NACC1: variants seen among roughly 807,000 people sequenced by gnomAD.
NACC1 encodes nucleus accumbens-associated protein 1.
In NACC1, 6 loss-of-function variants were observed where a neutral mutation model predicts 41.7. The ratio of observed to expected loss-of-function variants is 0.14; its 90% CI spans 0.08 to 0.28. The LOEUF is 0.28. Among genes scored for constraint, NACC1 ranks in the 10% least tolerant of loss-of-function variants. The pLI is 1.00. For synonymous variants in NACC1, 338 were observed against 330.6 expected (o/e 1.02, Z -0.24); for missense variants, 434 against 763.7 (o/e 0.57, Z 5.09).
At chr19:13,124,800 G>A (rs1288077026) in intron 1 of NACC1, among the ~76,000 whole-genome samples, 3 of 152,114 alleles carry the variant, frequency 2.0e-5, no homozygotes, top group African/African-American at 4.8e-5. Flanking sequence ...TAGACTGGAA[G>A]CCAGGCACAT....
chr19:13,130,489 A>G (rs574889504), intron 1 of NACC1, among the ~76,000 whole-genome samples: 5 of 151,580 alleles, frequency 3.3e-5, no homozygotes, highest in African/African-American at 9.7e-5. Flanking sequence ...TTGAGCTGAC[A>G]GTGCCCTTGG....
chr19:13,123,137 G>A (rs1026453831), intron 1 of NACC1, among the ~76,000 whole-genome samples: 2 of 152,152 alleles, frequency 1.3e-5, no homozygotes, highest in Non-Finnish European at 2.9e-5. Flanking sequence ...CTCCCAGGAT[G>A]ATCCCCATCC....
At chr19:13,126,256 G>T (rs8107842) in intron 1 of NACC1, among the ~76,000 whole-genome samples, 26,888 of 151,788 alleles carry the variant, frequency 0.18, 2,625 homozygotes, top group Non-Finnish European at 0.19. Flanking sequence ...TGTTAGCCAG[G>T]ATGGTCTCTA....
At chr19:13,123,622 G>A (rs933395499) in intron 1 of NACC1, among the ~76,000 whole-genome samples, 4 of 152,156 alleles carry the variant, frequency 2.6e-5, no homozygotes, top group African/African-American at 9.7e-5. Context: ...TGAGGTGGAG[G>A]TCCTCAGACA....
chr19:13,123,336 G>GGGTTGGTGGGGAGGGA (rs2019522932), intron 1 of NACC1, among the ~76,000 whole-genome samples: 2 of 152,212 alleles, frequency 1.3e-5, no homozygotes, highest in Non-Finnish European at 2.9e-5. Context: ...GGAGCGGGCA[G>GGGTTGGTGGGGAGGGA]GCTGCGAGCT....
chr19:13,123,425 C>T (rs187041175), intron 1 of NACC1, among the ~76,000 whole-genome samples: 97 of 152,246 alleles, frequency 6.4e-4, no homozygotes, highest in African/African-American at 2.3e-3. Context: ...GCCAGATTGC[C>T]GAGGGCTGCG....
intron 1 of NACC1, among the ~76,000 whole-genome samples, chr19:13,123,519 G>A (rs2019525878): frequency 6.6e-6 from 1 of 152,160 alleles, no homozygotes; most frequent in South Asian, 2.1e-4. Flanking sequence ...GAAGGGGCTA[G>A]AGAATAGCTG....
intron 1 of NACC1, among the ~76,000 whole-genome samples, chr19:13,125,061 T>C (rs2019545470): frequency 6.6e-6 from 1 of 152,112 alleles, no homozygotes; most frequent in Non-Finnish European, 1.5e-5. Context: ...CTCAGGAGGC[T>C]GAGGTGAGAG....
At chr19:13,134,100 G>A (rs960991194) in intron 1 of NACC1, among the ~76,000 whole-genome samples, 3 of 152,054 alleles carry the variant, frequency 2.0e-5, no homozygotes, top group African/African-American at 7.2e-5. Context: ...CTGTATCCCA[G>A]GCTGGAGTAT....
chr19:13,123,970 TC>T (rs1368897668), intron 1 of NACC1, among the ~76,000 whole-genome samples: 3 of 152,216 alleles, frequency 2.0e-5, no homozygotes, highest in Non-Finnish European at 4.4e-5. Context: ...AATGAGCCTG[TC>T]TGAGCCCTGG....
intron 1 of NACC1, among the ~76,000 whole-genome samples, chr19:13,132,167 A>AG (rs71168661): frequency 0.57 from 86,694 of 150,890 alleles, 25,642 homozygotes; most frequent in African/African-American, 0.68. Flanking sequence ...CTGTAATCCT[A>AG]CACTTTGGGA....
chr19:13,120,951 G>C (rs1312018612), intron 1 of NACC1, among the ~76,000 whole-genome samples: 3 of 152,180 alleles, frequency 2.0e-5, no homozygotes, highest in Non-Finnish European at 2.9e-5. Context: ...TTCACTGCTG[G>C]GTGCTGACTC....
chr19:13,134,459 C>CT (rs567130641), intron 1 of NACC1, among the ~76,000 whole-genome samples: 138 of 152,002 alleles, frequency 9.1e-4, no homozygotes, highest in Non-Finnish European at 3.2e-4. Context: ...CAACCTCTGT[C>CT]TCCTGGGTTC....
At chr19:13,118,675 A>G in intron 1 of NACC1, among the ~76,000 whole-genome samples, 1 of 148,298 alleles carries the variant, frequency 6.7e-6, no homozygotes, top group Admixed American at 6.6e-5. Flanking sequence ...TCGTACCTGG[A>G]CCGCTCCCCC....
rs1464765460 is a variant in NACC1, at chr19:13,140,995, C to CT, written c.*2590dup. 2 of 152,492 alleles carry CT rather than the reference C, an allele frequency of 1.3e-5. No homozygotes were observed. The highest frequency in any genetic ancestry group is 3.9e-4 in the East Asian group (2 of 5,176). The allele number at this position is 152,492 out of a possible 1,614,324, so 9.4% of individuals were successfully genotyped here. ...CCTGTCCACGTGAAGTGCCAACGCCCTCCCCACCCTGGGCCGAGCCCCCAC... is the reference window on the plus strand; with the variant it reads ...CCTGTCCACGTGAAGTGCCAACGCCCTTCCCCACCCTGGGCCGAGCCCCCAC... On this transcript the variant is annotated 3_prime_UTR_variant, in exon 6 of 6. Transcript: ENST00000292431. This position sits in a 1 kb window ranked among gnomAD's most constrained non-coding sequence, Gnocchi z 4.0.
chr19:13,127,683 A>G (rs1206020265), intron 1 of NACC1, among the ~76,000 whole-genome samples: 1 of 144,244 alleles, frequency 6.9e-6, no homozygotes, highest in African/African-American at 2.6e-5. Context: ...CTCTGCCTCA[A>G]AAAAAAAAAG....
Position 13,135,502 on chromosome 19 carries a change from C to T in NACC1, c.295C>T (p.Leu99=), listed in dbSNP as rs1375456687. ...RLSMNVGDQF[L]LMYTAGFLQI... ...GAGCATGAACGTGGGCGACCAGTTC[C>T]TGCTCATGTACACGGCTGGCTTCCT... Residue 99 remains leucine (L), a synonymous_variant, in exon 2 of 6, where the codon CTG becomes TTG. Transcript: ENST00000292431. 1.9e-6 allele frequency: 3 copies of T among 1,613,784 alleles called. No homozygotes were observed. Among genetic ancestry groups the T allele is most frequent in the Non-Finnish European group, 2.5e-6 (3 of 1,179,936 alleles).
At chr19:13,128,652 TCAGGCACCC>T (rs1193253290) in intron 1 of NACC1, among the ~76,000 whole-genome samples, 1 of 152,196 alleles carries the variant, frequency 6.6e-6, no homozygotes, top group Non-Finnish European at 1.5e-5. Context: ...CTGGGCAAGG[TCAGGCACCC>T]CAGTGTGTAG....
chr19:13,127,610 G>C (rs1412086588), intron 1 of NACC1, among the ~76,000 whole-genome samples: 2 of 149,954 alleles, frequency 1.3e-5, no homozygotes, highest in Non-Finnish European at 3.0e-5. Context: ...AGAATCGCTT[G>C]AACGATTCTT....
Sources: allele counts gnomAD v4.1 joint callset (sites outside exome capture counted in the v4.1 genomes callset), GRCh38; gene constraint gnomAD v4.1.1; non-coding constraint Gnocchi (gnomAD v3.1); transcripts MANE v1.5; gene names NCBI Gene and HGNC (gene_info 2026-07-23, HGNC 2026-07-21).